Variants in TLL1 observed in about 807,000 individuals in gnomAD.
TLL1 encodes tolloid like 1, also known as tolloid-like protein 1.
A neutral mutation model predicts 128.2 loss-of-function variants in TLL1; 49 were observed. That is an observed-to-expected ratio of 0.38 (90% CI 0.30 to 0.48). The LOEUF is 0.48. Among genes scored for constraint, TLL1 ranks in the 20% least tolerant of loss-of-function variants. The probability of loss-of-function intolerance (pLI) is 0.96; values close to 1 mark genes in which losing one functional copy is unlikely to be tolerated. For synonymous variants in TLL1, 454 were observed against 418.8 expected (o/e 1.08, Z -1.03); for missense variants, 1,123 against 1,242.0 (o/e 0.90, Z 1.44).
At chr4:165,966,766 AG>A (rs1284741397) in intron 1 of TLL1, among the ~76,000 whole-genome samples, 3 of 152,178 alleles carry the variant, frequency 2.0e-5, no homozygotes, top group Non-Finnish European at 2.9e-5. Context: ...ACATGCCTCC[AG>A]GGCAATAAAA....
intron 20 of TLL1, 134 bp downstream of exon 20, chr4:166,099,661 A>G (rs1742202231): frequency 8.1e-7 from 1 of 1,232,088 alleles, no homozygotes; most frequent in Admixed American, 2.2e-5. Context: ...TGTATTATAA[A>G]TGGCTTGACA....
intron 1 of TLL1, among the ~76,000 whole-genome samples, chr4:165,919,243 T>C (rs1019715365): frequency 1.3e-5 from 2 of 151,606 alleles, no homozygotes; most frequent in Non-Finnish European, 2.9e-5. Context: ...ATTAGCCAGC[T>C]GTGTTGGTGT....
chr4:166,091,731 C>T (rs1328279651), intron 19 of TLL1, among the ~76,000 whole-genome samples: 1 of 151,946 alleles, frequency 6.6e-6, no homozygotes, highest in East Asian at 1.9e-4. Context: ...ATCTAATAAC[C>T]TATCTGATTA....
At chr4:165,889,787 CAATT>C (rs879520960) in intron 1 of TLL1, among the ~76,000 whole-genome samples, 8 of 152,080 alleles carry the variant, frequency 5.3e-5, no homozygotes, top group Admixed American at 5.2e-4. Context: ...TTTTTGAAAA[CAATT>C]AATAAGGTTT....
intron 5 of TLL1, among the ~76,000 whole-genome samples, chr4:166,002,672 C>T (rs924184234): frequency 3.3e-5 from 5 of 151,936 alleles, no homozygotes; most frequent in South Asian, 2.1e-4. Context: ...CTCAAACTCC[C>T]GACCTCAAAC....
At chr4:165,935,171 G>C (rs956394421) in intron 1 of TLL1, among the ~76,000 whole-genome samples, 7 of 152,276 alleles carry the variant, frequency 4.6e-5, no homozygotes, top group Admixed American at 1.3e-4. Context: ...AAACTAAAAG[G>C]CAGTGGAGTT....
intron 19 of TLL1, among the ~76,000 whole-genome samples, chr4:166,098,878 C>G (rs775757939): frequency 1.3e-5 from 2 of 152,068 alleles, no homozygotes; most frequent in African/African-American, 4.8e-5. Context: ...AGACTAGAGA[C>G]AGTATTAGGT....
chr4:166,015,042 C>G (rs998304328), intron 8 of TLL1, among the ~76,000 whole-genome samples: 1 of 151,832 alleles, frequency 6.6e-6, no homozygotes, highest in East Asian at 1.9e-4. Context: ...ATGTTCTAAC[C>G]GGTTGCAAGT....
intron 13 of TLL1, among the ~76,000 whole-genome samples, chr4:166,056,937 T>C (rs1009996200): frequency 6.6e-6 from 1 of 152,128 alleles, no homozygotes; most frequent in African/African-American, 2.4e-5. Flanking sequence ...TTCCATTTTA[T>C]TTGGAACCAT....
Position 166,060,185 on chromosome 4 carries a change from T to A in TLL1, c.2004T>A (p.Asn668Lys). ...TTGAGTTTTTTGAATTGGAAGGCAATGAAGTAAGTGAACAATAACTGTAAT... is the reference window on the plus strand; with the variant it reads ...TTGAGTTTTTTGAATTGGAAGGCAAAGAAGTAAGTGAACAATAACTGTAAT... ...VKFEFFELEG[N>K]EVCKYDYVEI... The change falls in exon 15 of 21, where the codon AAT becomes AAA. Residue 668 changes from asparagine (N) to lysine (K), a missense_variant. Coordinates refer to ENST00000061240, the MANE Select transcript of TLL1 (RefSeq NM_012464.5). The A allele has an allele frequency of 6.2e-7, 1 of 1,613,074 alleles. No individual in the cohort carries two copies. Among genetic ancestry groups the A allele is most frequent in the Non-Finnish European group, 8.5e-7 (1 of 1,179,702 alleles).
At chr4:165,967,784 T>G (rs115949209) in intron 1 of TLL1, among the ~76,000 whole-genome samples, 1 of 152,058 alleles carries the variant, frequency 6.6e-6, no homozygotes, top group South Asian at 2.1e-4. Context: ...AATTTGATGA[T>G]TCACACTGAA....
rs3775321 is a variant in TLL1 at position 166,008,124 on chromosome 4, A to G, written c.917+76A>G. 474,891 of 1,026,090 alleles carry G rather than the reference A, an allele frequency of 0.46. 114,386 individuals are homozygous for G. Among genetic ancestry groups the G allele is most frequent in the African/African-American group, 0.71 (44,819 of 63,086 alleles). 63.6% of individuals were successfully genotyped at this position (1,026,090 alleles called of 1,614,324 possible). A position where few individuals can be genotyped will look rare whatever the true frequency, so the allele number is the denominator to read the frequency against. On this transcript the variant is annotated intron_variant, in intron 7 of 20. Transcript: ENST00000061240. ...GGCTCCTCACAAAGCTATGCCTGACATTAGAACTAGAATTACTTTCAAATA... is the reference window on the plus strand; with the variant it reads ...GGCTCCTCACAAAGCTATGCCTGACGTTAGAACTAGAATTACTTTCAAATA...
rs538046058 is a variant in TLL1 at position 165,924,920 on chromosome 4, T to C, written c.169+50847T>C. On this transcript the variant is annotated intron_variant, in intron 1 of 20. Coordinates refer to ENST00000061240, the MANE Select transcript of TLL1 (RefSeq NM_012464.5). ...ATCTACTCTGCCTGTGTTCTGTATA[T>C]GGAACAACAAACCCTGTAATACAGA... Among the ~76,000 whole-genome samples the C allele has an allele frequency of 2.6e-5, 4 of 152,340 alleles. No homozygotes were observed. In the East Asian group the frequency reaches 5.8e-4, roughly 22 times the overall value.
chr4:165,942,827 G>T (rs1734079724), intron 1 of TLL1, among the ~76,000 whole-genome samples: 1 of 151,894 alleles, frequency 6.6e-6, no homozygotes, highest in African/African-American at 2.4e-5. Context: ...ATCATTATTA[G>T]TGTCTTAGAT....
rs1737433075 is a variant in TLL1 at position 166,006,487 on chromosome 4, TG to T, written c.812-1454del. ...AATATTTTGCTTTAGTTAGAGAATC[TG>T]GTCCCATATTAAGTTCTAAATTGAA... On this transcript the variant is annotated intron_variant, in intron 6 of 20. Coordinates refer to ENST00000061240, the MANE Select transcript of TLL1 (RefSeq NM_012464.5). Among the ~76,000 whole-genome samples the T allele has an allele frequency of 2.0e-5, 3 of 151,836 alleles. No homozygotes were observed. The Admixed American group carries it at 2.0e-4, about 10-fold the overall frequency.
intron 1 of TLL1, among the ~76,000 whole-genome samples, chr4:165,913,268 A>G (rs1732623102): frequency 5.3e-5 from 8 of 152,226 alleles, no homozygotes; most frequent in Admixed American, 5.2e-4. Context: ...AAGAATCTCA[A>G]TAGGTTCTGG....
At chr4:165,880,339 G>A (rs1730920428) in intron 1 of TLL1, among the ~76,000 whole-genome samples, 1 of 152,132 alleles carries the variant, frequency 6.6e-6, no homozygotes, top group South Asian at 2.1e-4. Context: ...TAGTAAATTA[G>A]GTGTTAATTG....
intron 1 of TLL1, among the ~76,000 whole-genome samples, chr4:165,904,102 T>C (rs574230589): frequency 1.3e-5 from 2 of 152,178 alleles, no homozygotes; most frequent in Non-Finnish European, 2.9e-5. Context: ...AAAAAGTCTG[T>C]ATTAATGTTA....
intron 13 of TLL1, 34 bp downstream of exon 13, chr4:166,055,305 C>A (rs774142959): frequency 6.3e-7 from 1 of 1,584,436 alleles, no homozygotes; most frequent in Non-Finnish European, 8.7e-7. Flanking sequence ...GTGAGATTTT[C>A]TTTATCAAGG....
Sources: gnomAD v4.1 joint callset for allele counts (sites outside exome capture counted in the v4.1 genomes callset) on GRCh38, gnomAD v4.1.1 for gene constraint, MANE v1.5 for transcripts, NCBI Gene and HGNC (gene_info 2026-07-23, HGNC 2026-07-21) for gene names.